Variants in AGO4 observed in about 807,000 individuals in gnomAD.
AGO4 encodes the protein protein argonaute-4.
A neutral mutation model predicts 104.7 loss-of-function variants in AGO4; 33 were observed. The observed-to-expected ratio is 0.32, with a 90% CI of 0.24 to 0.42. The LOEUF is 0.42. Ranked by LOEUF, AGO4 falls within the 10% of genes least tolerant of loss-of-function variation. AGO4 has a pLI of 1.00. For missense variants in AGO4, 711 were observed against 1,083.4 expected, an observed-to-expected ratio of 0.66 and a Z score of 4.83; for synonymous variants, 331 against 364.7, an observed-to-expected ratio of 0.91 and a Z score of 1.05.
chr1:35,823,456 T>C (rs1643931858), intron 3 of AGO4, among the ~76,000 whole-genome samples: 1 of 151,614 alleles, frequency 6.6e-6, no homozygotes, highest in South Asian at 2.1e-4. Context: ...GACGGAGCCT[T>C]GCTCTGTTGC....
At position 35,857,593 on chromosome 1, in the gene AGO4, A is replaced by G. The variant is rs1571324031; in HGVS notation, c.*3988A>G. 1 of 152,028 alleles carries G rather than the reference A, an allele frequency of 6.6e-6. No individual in the cohort carries two copies. The highest frequency in any genetic ancestry group is 3.4e-3 in the Middle Eastern group (1 of 294). The allele number at this position is 152,028 out of a possible 1,614,324, so 9.4% of individuals were successfully genotyped here. On this transcript the variant is annotated 3_prime_UTR_variant, in exon 18 of 18. Coordinates refer to ENST00000373210, the MANE Select transcript of AGO4 (RefSeq NM_017629.4). Reference sequence around the variant, plus strand: ...AGATGATGGTCGTTTAAATTTTGCAATTTTTTTTGGCCTGCAGGGATATTT... The same window carrying G: ...AGATGATGGTCGTTTAAATTTTGCAGTTTTTTTTGGCCTGCAGGGATATTT...
chr1:35,814,552 G>A (rs773913850), intron 1 of AGO4, among the ~76,000 whole-genome samples: 18 of 150,108 alleles, frequency 1.2e-4, no homozygotes, highest in Admixed American at 2.7e-4. Context: ...GAGAACATGC[G>A]GTGTTTATAA....
intron 15 of AGO4, among the ~76,000 whole-genome samples, chr1:35,843,211 GC>G (rs1644490463): frequency 6.6e-6 from 1 of 151,938 alleles, no homozygotes; most frequent in Non-Finnish European, 1.5e-5. Flanking sequence ...GATTATAGGC[GC>G]CCACCACCAT....
At chr1:35,827,070 C>T (rs1034784098) in intron 7 of AGO4, among the ~76,000 whole-genome samples, 8 of 151,548 alleles carry the variant, frequency 5.3e-5, no homozygotes, top group Middle Eastern at 3.2e-3. Flanking sequence ...GGCGTGGTGG[C>T]GGGTACCTGT....
rs555923504 is a variant in AGO4, at chr1:35,831,309, G to A, written c.849-118G>A. 82 of 1,090,110 alleles carry A rather than the reference G, an allele frequency of 7.5e-5. No homozygotes were observed. In the East Asian group the frequency reaches 1.8e-3, roughly 24 times the overall value. The allele number at this position is 1,090,110 out of a possible 1,614,324, so 67.5% of individuals were successfully genotyped here. A position where few individuals can be genotyped will look rare whatever the true frequency, so the allele number is the denominator to read the frequency against. ...CCCGGGAGGCGGAGGTTGAGATCAC[G>A]CCATGCACTCCAGCCTGGGCGACAG... On this transcript the variant is annotated intron_variant, in intron 7 of 17. Coordinates refer to ENST00000373210, the MANE Select transcript of AGO4 (RefSeq NM_017629.4).
chr1:35,841,811 C>CATATATATATATATATATAAATAT lies in AGO4; in HGVS notation c.2175+80_2175+81insAATATATATATATATATATATATA, dbSNP rs1336128652. On this transcript the variant is annotated intron_variant, in intron 15 of 17. Transcript: ENST00000373210. This position sits in a 1 kb window ranked among gnomAD's most constrained non-coding sequence, Gnocchi z 4.7. Reference sequence around the variant, plus strand: ...CTCTGGCAAGAGATGTATATATGCACATATATATATATATATATATATATA... The same window carrying CATATATATATATATATATAAATAT: ...CTCTGGCAAGAGATGTATATATGCACATATATATATATATATATAAATATATATATATATATATATATATATATA... 1.7e-6 allele frequency: 1 copy of CATATATATATATATATATAAATAT among 579,106 alleles called. No individual in the cohort carries two copies. The allele number at this position is 579,106 out of a possible 1,614,324, so 35.9% of individuals were successfully genotyped here.
At chr1:35,815,318 A>G (rs1643656196) in intron 1 of AGO4, among the ~76,000 whole-genome samples, 1 of 152,228 alleles carries the variant, frequency 6.6e-6, no homozygotes, top group African/African-American at 2.4e-5. Flanking sequence ...CATAGCAGAA[A>G]AGATGTTCAT....
rs1220138412 is a variant in AGO4 at position 35,823,511 on chromosome 1, C to T, written c.306+529C>T. On this transcript the variant is annotated intron_variant, in intron 3 of 17. Transcript: ENST00000373210. ...CGCGATCTCGGCGCAGTGCAACTTC[C>T]ACTTCCTGGGTTCAAGCGATTCTCC... Among the ~76,000 whole-genome samples, 3 of 152,106 alleles carry T rather than the reference C, an allele frequency of 2.0e-5. No homozygotes were observed. The East Asian group carries it at 5.8e-4, about 29-fold the overall frequency.
intron 13 of AGO4, among the ~76,000 whole-genome samples, chr1:35,837,079 TTTTG>T (rs971744441): frequency 2.1e-4 from 32 of 152,256 alleles, no homozygotes; most frequent in African/African-American, 6.3e-4. Context: ...ATCTTTATAT[TTTTG>T]TTTGTTTGTT....
At chr1:35,848,122 T>C (rs1240166588) in intron 15 of AGO4, among the ~76,000 whole-genome samples, 3 of 152,356 alleles carry the variant, frequency 2.0e-5, no homozygotes, top group South Asian at 2.1e-4. Flanking sequence ...ACCACTGATA[T>C]GTATTCTGTT....
intron 7 of AGO4, among the ~76,000 whole-genome samples, chr1:35,829,633 T>TG (rs1330199139): frequency 6.6e-6 from 1 of 151,728 alleles, no homozygotes; most frequent in Non-Finnish European, 1.5e-5. Context: ...GGTCAGGAGT[T>TG]CAAGACCAGC....
chr1:35,832,596 A>G, intron 11 of AGO4, 26 bp downstream of exon 11: 1 of 1,609,458 alleles, frequency 6.2e-7, no homozygotes, highest in Non-Finnish European at 8.5e-7. Context: ...TTTTCAGCTT[A>G]GTAATATCCC....
chr1:35,836,898 C>A lies in AGO4; in HGVS notation c.1724+905C>A, dbSNP rs923520153. Among the ~76,000 whole-genome samples, 3 of 152,194 alleles carry A rather than the reference C, an allele frequency of 2.0e-5. No homozygotes were observed. In the East Asian group the frequency reaches 5.8e-4, roughly 29 times the overall value. On this transcript the variant is annotated intron_variant, in intron 13 of 17. Transcript: ENST00000373210. ...AAGTGGTTGTACCAATTTACACTTA[C>A]ACTGAGAGTTCTACTTGCTCTATAT... is the stretch of plus-strand genomic sequence containing the variant.
At chr1:35,828,566 T>C (rs1242369133) in intron 7 of AGO4, among the ~76,000 whole-genome samples, 2 of 151,860 alleles carry the variant, frequency 1.3e-5, no homozygotes, top group East Asian at 1.9e-4. Context: ...GTTGCCCAGG[T>C]TGGAGTGCAA....
chr1:35,832,704 G>T (rs1644213733), intron 11 of AGO4, 134 bp downstream of exon 11: 1 of 1,176,718 alleles, frequency 8.5e-7, no homozygotes, highest in Non-Finnish European at 1.1e-6. Context: ...ATATGAAAAA[G>T]ACCTTGTATT....
chr1:35,836,660 C>T (rs192154671), intron 13 of AGO4, among the ~76,000 whole-genome samples: 6 of 152,260 alleles, frequency 3.9e-5, no homozygotes, highest in Admixed American at 1.3e-4. Flanking sequence ...CCGCCCGTCT[C>T]GGCCTCCCAA....
rs947231425 is a variant in AGO4, at chr1:35,824,675, C to T, written c.307-638C>T. On this transcript the variant is annotated intron_variant, in intron 3 of 17. Coordinates refer to ENST00000373210, the MANE Select transcript of AGO4 (RefSeq NM_017629.4). ...AATTAGCCAGGCATGGTGGTGTGCA[C>T]TTGTAATTCCAGCTACTTGGGAGGC... Among the ~76,000 whole-genome samples, 19 of 152,072 alleles carry T rather than the reference C, an allele frequency of 1.2e-4. 1 individual carries two copies. Among genetic ancestry groups the T allele is most frequent in the Admixed American group, 7.2e-4 (11 of 15,246 alleles).
intron 1 of AGO4, among the ~76,000 whole-genome samples, chr1:35,814,789 C>T (rs1170056689): frequency 6.6e-6 from 1 of 152,084 alleles, no homozygotes; most frequent in Non-Finnish European, 1.5e-5. Context: ...ATTTTTAATA[C>T]TTTAAGTGTT....
Position 35,856,833 on chromosome 1 carries a change from G to GAA in AGO4, c.*3228_*3229insAA, listed in dbSNP as rs1644827481. 1 of 1,400 alleles carries GAA rather than the reference G, an allele frequency of 7.1e-4. No individual in the cohort carries two copies. The allele number at this position is 1,400 out of a possible 1,614,324, so 0.1% of individuals were successfully genotyped here. A position where few individuals can be genotyped will look rare whatever the true frequency, so the allele number is the denominator to read the frequency against. ...AAACTCTGTCTCAAAAAAAAAAAGGGGGGGGGGGGACATTAAGAGAGTGGT... is the reference window on the plus strand; with the variant it reads ...AAACTCTGTCTCAAAAAAAAAAAGGGAAGGGGGGGGGACATTAAGAGAGTGGT... On this transcript the variant is annotated 3_prime_UTR_variant, in exon 18 of 18. Coordinates refer to ENST00000373210, the MANE Select transcript of AGO4 (RefSeq NM_017629.4).
Sources: gnomAD v4.1 joint callset for allele counts (sites outside exome capture counted in the v4.1 genomes callset) on GRCh38, gnomAD v4.1.1 for gene constraint, Gnocchi (gnomAD v3.1) non-coding constraint, MANE v1.5 for transcripts, NCBI Gene and HGNC (gene_info 2026-07-23, HGNC 2026-07-21) for gene names.